Variants in DENND11 observed in about 807,000 individuals in gnomAD.
DENND11 encodes the protein DENN domain-containing protein 11.
In DENND11, 34 loss-of-function variants were observed where a neutral mutation model predicts 49.2. The observed-to-expected ratio is 0.69, with a 90% confidence interval of 0.53 to 0.92. The LOEUF (loss-of-function observed/expected upper bound fraction) is 0.92, where lower values mean the gene tolerates loss of function less well. Among genes scored for constraint, DENND11 ranks in the 40% least tolerant of loss-of-function variants. The pLI is 0.00. For missense variants in DENND11, 475 were observed against 581.6 expected, an observed-to-expected ratio of 0.82 and a Z score of 1.88; for synonymous variants, 238 against 230.3, an observed-to-expected ratio of 1.03 and a Z score of -0.30.
chr7:141,666,454 G>C lies in DENND11; in HGVS notation c.682-29C>G, dbSNP rs148599086. ...AAAAAATTGAGGGGAATAGGGAGGAGAAAGAGTGAGGAACAGCTTCTTAGA... is the reference window on the plus strand; with the variant it reads ...AAAAAATTGAGGGGAATAGGGAGGACAAAGAGTGAGGAACAGCTTCTTAGA... On this transcript the variant is annotated intron_variant, in intron 4 of 8. Transcript: ENST00000536163. 357 of 1,537,388 alleles carry C rather than the reference G, an allele frequency of 2.3e-4. No homozygotes were observed. The East Asian group carries it at 7.7e-3, about 33-fold the overall frequency.
intron 1 of DENND11, among the ~76,000 whole-genome samples, chr7:141,694,825 A>C (rs1040049437): frequency 6.6e-6 from 1 of 152,060 alleles, no homozygotes. Flanking sequence ...TACAAAACAC[A>C]CCCACCTTAA....
chr7:141,701,841 G>A (rs1343733978), intron 1 of DENND11, 45 bp downstream of exon 1: 8 of 1,160,000 alleles, frequency 6.9e-6, no homozygotes, highest in African/African-American at 3.3e-5. Flanking sequence ...AAGCTCGGGG[G>A]CACCCCGACC....
intron 1 of DENND11, among the ~76,000 whole-genome samples, chr7:141,699,162 G>A (rs1016821061): frequency 9.9e-5 from 15 of 152,204 alleles, no homozygotes; most frequent in African/African-American, 3.4e-4. Context: ...CAACACAGGC[G>A]AAGGAGGGGC....
intron 3 of DENND11, among the ~76,000 whole-genome samples, chr7:141,674,654 G>A (rs1195101170): frequency 6.6e-6 from 1 of 152,178 alleles, no homozygotes; most frequent in Non-Finnish European, 1.5e-5. Flanking sequence ...ACGCTTGCCT[G>A]CTTGCTTTGT....
chr7:141,674,028 A>T (rs149728317), intron 4 of DENND11, 39 bp downstream of exon 4: 4 of 1,585,576 alleles, frequency 2.5e-6, no homozygotes, highest in Non-Finnish European at 2.6e-6. Flanking sequence ...TCCCAGATAC[A>T]GATCCAGTAT....
At chr7:141,689,553 T>C (rs977263804) in intron 1 of DENND11, among the ~76,000 whole-genome samples, 1 of 152,206 alleles carries the variant, frequency 6.6e-6, no homozygotes, top group African/African-American at 2.4e-5. Flanking sequence ...CCATGGCACA[T>C]GTTTACCTAT....
In DENND11 at chr7:141,674,077, G is replaced by A. The variant is rs1798026663; in HGVS notation, c.671C>T (p.Pro224Leu). 6.2e-7 allele frequency: 1 copy of A among 1,605,902 alleles called. No homozygotes were observed. The highest frequency in any genetic ancestry group is 8.5e-7 in the Non-Finnish European group (1 of 1,176,504). The change falls in exon 4 of 9, where the codon CCT (proline) becomes CTT (leucine). Residue 224 changes from proline to leucine, a missense_variant. Physicochemically the swap from Pro to Leu is moderately conservative, Grantham distance 98. Transcript: ENST00000536163. ...CAGGGCTAACCTCACCTTCATCTCA[G>A]GGTACATGTATCGGTGGATGGAAGG... is the stretch of plus-strand genomic sequence containing the variant. ...WLPSIHRYMY[P>L]EMKITHPAGC...
intron 6 of DENND11, 65 bp from the exon 7 acceptor site, chr7:141,665,119 G>A (rs1797872759): frequency 1.2e-6 from 2 of 1,609,846 alleles, no homozygotes; most frequent in Non-Finnish European, 1.7e-6. Flanking sequence ...AGGCGCCCAG[G>A]AGCCCTGTGT....
intron 3 of DENND11, among the ~76,000 whole-genome samples, chr7:141,676,914 T>C (rs2117063240): frequency 6.6e-6 from 1 of 152,234 alleles, no homozygotes; most frequent in Non-Finnish European, 1.5e-5. Context: ...CAATATATAT[T>C]ATTAATCAGA....
Position 141,701,962 on chromosome 7 carries a change from G to C in DENND11, c.192C>G (p.Pro64=). The change falls in exon 1 of 9, where the codon CCC becomes CCG. Residue 64 remains proline, a synonymous_variant. Coordinates refer to ENST00000536163, the MANE Select transcript of DENND11 (RefSeq NM_001080392.2). ...EPAAPEVLLQ[P]GRLELGDVEE... ...CCACGTCGCCCAGCTCCAGGCGCCC[G>C]GGCTGCAGCAGCACCTCCGGGGCGG... 5.9e-6 allele frequency: 7 copies of C among 1,181,596 alleles called. No homozygotes were observed. The highest frequency in any genetic ancestry group is 7.3e-6 in the Non-Finnish European group (7 of 956,370). The allele number at this position is 1,181,596 out of a possible 1,614,324, so 73.2% of individuals were successfully genotyped here.
chr7:141,671,765 G>A lies in DENND11; in HGVS notation c.681+2302C>T, dbSNP rs78742931. 5.2e-3 allele frequency among the ~76,000 whole-genome samples: 786 copies of A among 152,274 alleles called. 11 individuals are homozygous for A. Among genetic ancestry groups the A allele is most frequent in the African/African-American group, 0.018 (738 of 41,542 alleles). On this transcript the variant is annotated intron_variant, in intron 4 of 8. Coordinates refer to ENST00000536163, the MANE Select transcript of DENND11 (RefSeq NM_001080392.2). ...AATTGGACTCTGAAGGAAAAAATGG[G>A]TCTAAGTTATGAGCAGACAGAAAGA... is the stretch of plus-strand genomic sequence containing the variant.
At chr7:141,677,507 A>C (rs552057760) in intron 3 of DENND11, among the ~76,000 whole-genome samples, 1 of 132,428 alleles carries the variant, frequency 7.6e-6, no homozygotes, top group Non-Finnish European at 1.6e-5. Context: ...GTGTGTGTAT[A>C]TATATATATA....
rs971381284 is a variant in DENND11 at position 141,674,189 on chromosome 7, G to C, written c.559C>G (p.His187Asp). Reference protein sequence around the residue: ...HQLEMPGHYSHLAAFYEDKKG... With the variant: ...HQLEMPGHYSDLAAFYEDKKG... ...TTGTCCTCATAGAAGGCAGCCAGAT[G>C]AGAGTAATGTCCTGGCATCTCCAAC... The change falls in exon 4 of 9, where the codon CAT becomes GAT. Residue 187 changes from histidine (H) to aspartate (D), a missense_variant. Coordinates refer to ENST00000536163, the MANE Select transcript of DENND11 (RefSeq NM_001080392.2). 7.1e-6 allele frequency: 11 copies of C among 1,551,918 alleles called. 1 individual carries two copies.
At chr7:141,677,501 G>A (rs984898010) in intron 3 of DENND11, among the ~76,000 whole-genome samples, 7 of 130,368 alleles carry the variant, frequency 5.4e-5, no homozygotes, top group Admixed American at 1.6e-4. Context: ...GTGTGTGTGT[G>A]TGTATATATA....
At chr7:141,692,507 C>A (rs1798342759) in intron 1 of DENND11, among the ~76,000 whole-genome samples, 1 of 151,978 alleles carries the variant, frequency 6.6e-6, no homozygotes. Flanking sequence ...GCCAAAGGAA[C>A]AAAGGCAATA....
At chr7:141,681,925 C>T (rs1431651353) in intron 3 of DENND11, among the ~76,000 whole-genome samples, 2 of 152,190 alleles carry the variant, frequency 1.3e-5, no homozygotes, top group Non-Finnish European at 2.9e-5. Flanking sequence ...GGATTCTACA[C>T]AACAGAACCA....
chr7:141,693,153 A>G (rs1798352525), intron 1 of DENND11, among the ~76,000 whole-genome samples: 2 of 152,258 alleles, frequency 1.3e-5, no homozygotes, highest in Non-Finnish European at 2.9e-5. Context: ...AAGAATTCAT[A>G]AAACTCAACA....
intron 3 of DENND11, among the ~76,000 whole-genome samples, chr7:141,677,549 A>C (rs1798083216): frequency 6.7e-6 from 1 of 148,694 alleles, no homozygotes; most frequent in Admixed American, 6.8e-5. Flanking sequence ...CTGTCTGAAC[A>C]AATCGTCTTC....
chr7:141,662,383 C>T lies in DENND11; in HGVS notation c.*273G>A, dbSNP rs929842022. ...AGAGCTCAGCCTACTCCTAGTGATA[C>T]AACTCCCATGACCAAGCCCAGAGGA... On this transcript the variant is annotated 3_prime_UTR_variant, in exon 9 of 9. Coordinates refer to ENST00000536163, the MANE Select transcript of DENND11 (RefSeq NM_001080392.2). 2.6e-5 allele frequency: 10 copies of T among 377,906 alleles called. No homozygotes were observed. The highest frequency in any genetic ancestry group is 4.2e-5 in the African/African-American group (2 of 48,168). The allele number at this position is 377,906 out of a possible 1,614,324, so 23.4% of individuals were successfully genotyped here.
Sources: gnomAD v4.1 joint callset for allele counts (sites outside exome capture counted in the v4.1 genomes callset) on GRCh38, gnomAD v4.1.1 for gene constraint, MANE v1.5 for transcripts, NCBI Gene and HGNC (gene_info 2026-07-23, HGNC 2026-07-21) for gene names.